The following TSHZ2 variants were observed in gnomAD, a reference collection of about 807,000 sequenced individuals.
The protein encoded by TSHZ2 is teashirt homolog 2.
A neutral mutation model predicts 74.4 loss-of-function variants in TSHZ2; 21 were observed. That is an observed-to-expected ratio of 0.28 (90% confidence interval 0.20 to 0.41). The LOEUF (loss-of-function observed/expected upper bound fraction) is 0.41. Among genes scored for constraint, TSHZ2 ranks in the 10% least tolerant of loss-of-function variants. The pLI, the probability that TSHZ2 is intolerant of heterozygous loss-of-function variation, is 1.00. For missense variants in TSHZ2, 1,244 were observed against 1,293.5 expected (o/e 0.96, Z 0.59); for synonymous variants, 540 against 515.3 (o/e 1.05, Z -0.65).
At chr20:53,376,591 T>C (rs1981664863) in intron 2 of TSHZ2, among the ~76,000 whole-genome samples, 1 of 152,248 alleles carries the variant, frequency 6.6e-6, no homozygotes. Context: ...TCTTATGCAG[T>C]TGCTTGGGCT....
chr20:53,180,887 C>T (rs1482901971), intron 1 of TSHZ2, among the ~76,000 whole-genome samples: 1 of 152,138 alleles, frequency 6.6e-6, no homozygotes, highest in African/African-American at 2.4e-5. Flanking sequence ...TTTTGTTTTG[C>T]AGAATAATAT....
intron 2 of TSHZ2, among the ~76,000 whole-genome samples, chr20:53,462,540 C>T (rs866622304): frequency 3.2e-4 from 48 of 152,320 alleles, no homozygotes; most frequent in African/African-American, 1.2e-3. Context: ...TCAGAAGGAG[C>T]AGCTTGTAGC....
Position 53,113,476 on chromosome 20 carries a change from C to T in TSHZ2, c.41-140023C>T, listed in dbSNP as rs576313573. 1.6e-4 allele frequency among the ~76,000 whole-genome samples: 25 copies of T among 152,278 alleles called. No individual in the cohort carries two copies. The South Asian group carries it at 2.9e-3, about 18-fold the overall frequency. ...AAAATGTTTATTTATCAACCACTCACGTATCTAACATTTACCTGATTGCTA... is the reference window on the plus strand; with the variant it reads ...AAAATGTTTATTTATCAACCACTCATGTATCTAACATTTACCTGATTGCTA... On this transcript the variant is annotated intron_variant, in intron 1 of 2. Coordinates refer to ENST00000371497, the MANE Select transcript of TSHZ2 (RefSeq NM_173485.6).
intron 2 of TSHZ2, among the ~76,000 whole-genome samples, chr20:53,425,437 G>T (rs2145723909): frequency 6.6e-6 from 1 of 152,278 alleles, no homozygotes; most frequent in African/African-American, 2.4e-5. Context: ...TCATTTCCCT[G>T]CAAGGAAGCC....
At chr20:52,999,313 CAG>C (rs1460404045) in intron 1 of TSHZ2, among the ~76,000 whole-genome samples, 2 of 152,286 alleles carry the variant, frequency 1.3e-5, no homozygotes, top group African/African-American at 2.4e-5. Flanking sequence ...ACCCTGCTCT[CAG>C]GGGACAGAAG....
At position 53,197,161 on chromosome 20, in the gene TSHZ2, A is replaced by G. The variant is rs369442391; in HGVS notation, c.41-56338A>G. On this transcript the variant is annotated intron_variant, in intron 1 of 2. Coordinates refer to ENST00000371497, the MANE Select transcript of TSHZ2 (RefSeq NM_173485.6). ...TTTGTTTACTCCATCTGTATTTCCAATCAGCGAGGAAGGTTTACCAAAGTG... is the reference window on the plus strand; with the variant it reads ...TTTGTTTACTCCATCTGTATTTCCAGTCAGCGAGGAAGGTTTACCAAAGTG... Among the ~76,000 whole-genome samples the G allele has an allele frequency of 5.1e-4, 77 of 152,340 alleles. 3 individuals are homozygous for G. The South Asian group carries it at 0.015, about 30-fold the overall frequency.
At chr20:53,307,735 A>G (rs1162521713) in intron 2 of TSHZ2, among the ~76,000 whole-genome samples, 2 of 152,214 alleles carry the variant, frequency 1.3e-5, no homozygotes, top group Non-Finnish European at 2.9e-5. Flanking sequence ...CCGCCAGATC[A>G]AAATATGAAC....
chr20:53,224,849 CA>C (rs1157712413), intron 1 of TSHZ2, among the ~76,000 whole-genome samples: 20,430 of 112,776 alleles, frequency 0.18, 1,684 homozygotes, highest in African/African-American at 0.27. Context: ...GACTCCATCT[CA>C]AAAAAAAAAA....
chr20:53,316,153 G>A (rs1027259281), intron 2 of TSHZ2, among the ~76,000 whole-genome samples: 7 of 152,318 alleles, frequency 4.6e-5, no homozygotes, highest in African/African-American at 1.4e-4. Context: ...TTTGAGTCTT[G>A]GGGTAAGGAA....
chr20:53,291,229 T>C (rs1014027481), intron 2 of TSHZ2, among the ~76,000 whole-genome samples: 7 of 152,074 alleles, frequency 4.6e-5, no homozygotes, highest in African/African-American at 1.7e-4. Flanking sequence ...CCCAGCACCT[T>C]GGGAGGCCGA....
Position 53,254,605 on chromosome 20 carries a change from A to G in TSHZ2, c.1147A>G (p.Met383Val), listed in dbSNP as rs920140308. The G allele has an allele frequency of 1.9e-6, 3 of 1,613,120 alleles. No homozygotes were observed. Among genetic ancestry groups the G allele is most frequent in the Non-Finnish European group, 2.5e-6 (3 of 1,179,130 alleles). The change falls in exon 2 of 3, where the codon ATG (methionine) becomes GTG (valine). Residue 383 changes from methionine (M) to valine (V), a missense_variant. This residue lies in a region of TSHZ2 where 18 missense variants were observed against 42.1 expected (regional missense o/e 0.43). Transcript: ENST00000371497. ...EACKSQILKC[M>V]ECGSSHDTLQ... ...CTGCAAGTCCCAGATCTTAAAGTGC[A>G]TGGAGTGTGGGAGCTCCCATGACAC... is the stretch of plus-strand genomic sequence containing the variant.
At chr20:53,303,826 G>A (rs991211378) in intron 2 of TSHZ2, among the ~76,000 whole-genome samples, 8 of 152,146 alleles carry the variant, frequency 5.3e-5, no homozygotes, top group African/African-American at 1.9e-4. Flanking sequence ...AAACTTTTAA[G>A]CACTTTGAAC....
chr20:53,185,299 C>T (rs1600729570), intron 1 of TSHZ2: 2 of 1,037,568 alleles, frequency 1.9e-6, no homozygotes, highest in Non-Finnish European at 2.3e-6. Flanking sequence ...TTTTCTAGAA[C>T]ACACCCGACA....
At chr20:53,290,598 C>G (rs1991260964) in intron 2 of TSHZ2, among the ~76,000 whole-genome samples, 1 of 152,166 alleles carries the variant, frequency 6.6e-6, no homozygotes, top group African/African-American at 2.4e-5. Context: ...TCAAAGCACT[C>G]TGAGATCTGT....
intron 1 of TSHZ2, among the ~76,000 whole-genome samples, chr20:53,186,632 TGAA>T (rs1988605689): frequency 6.6e-6 from 1 of 152,198 alleles, no homozygotes; most frequent in African/African-American, 2.4e-5. Context: ...CCCCCATTAT[TGAA>T]GAAGGTTTCT....
chr20:53,001,521 C>A (rs1982441500), intron 1 of TSHZ2, among the ~76,000 whole-genome samples: 1 of 151,874 alleles, frequency 6.6e-6, no homozygotes, highest in African/African-American at 2.4e-5. Flanking sequence ...AAAGGAAGAC[C>A]CCTTGCTTCA....
At chr20:53,177,444 G>A (rs1358165405) in intron 1 of TSHZ2, among the ~76,000 whole-genome samples, 2 of 151,930 alleles carry the variant, frequency 1.3e-5, no homozygotes, top group African/African-American at 2.4e-5. Context: ...GATCTGTGCC[G>A]AGATTCTACA....
chr20:53,235,418 C>T (rs1218359639), intron 1 of TSHZ2, among the ~76,000 whole-genome samples: 1 of 152,132 alleles, frequency 6.6e-6, no homozygotes, highest in Non-Finnish European at 1.5e-5. Flanking sequence ...GATCCACCCA[C>T]CTCAGCCTCC....
chr20:52,973,376 G>C (rs1301322696), intron 1 of TSHZ2, 43 bp downstream of exon 1: 9 of 1,548,068 alleles, frequency 5.8e-6, no homozygotes, highest in Non-Finnish European at 7.9e-6. Context: ...TGTGCGCCGA[G>C]CTCCTCGCCC....
Sources: allele counts gnomAD v4.1 joint callset (sites outside exome capture counted in the v4.1 genomes callset), GRCh38; gene constraint gnomAD v4.1.1; regional missense constraint gnomAD v4.1.1; transcripts MANE v1.5; gene names NCBI Gene and HGNC (gene_info 2026-07-23, HGNC 2026-07-21).